Variants in VTI1A observed in about 807,000 individuals in gnomAD.
VTI1A encodes the protein vesicle transport through interaction with t-SNAREs 1A, also known as vesicle transport through interaction with t-SNAREs homolog 1A.
VTI1A carries 22 observed loss-of-function variants against 34.9 expected under a neutral mutation model. The observed-to-expected ratio is 0.63, with a 90% CI of 0.45 to 0.90. VTI1A has a LOEUF of 0.90. VTI1A is among the 40% of genes least tolerant of loss of function. VTI1A has a pLI of 0.00. For missense variants in VTI1A, 268 were observed against 275.6 expected (o/e 0.97, Z 0.20); for synonymous variants, 87 against 97.3 (o/e 0.89, Z 0.62).
intron 4 of VTI1A, among the ~76,000 whole-genome samples, chr10:112,531,101 A>ACACGTGCG (rs1171455230): frequency 7.0e-6 from 1 of 143,610 alleles, no homozygotes; most frequent in Non-Finnish European, 1.5e-5. Flanking sequence ...ACACACACAC[A>ACACGTGCG]CACGTGCGCA....
chr10:112,653,414 C>T (rs757510433), intron 5 of VTI1A, among the ~76,000 whole-genome samples: 36 of 152,266 alleles, frequency 2.4e-4, no homozygotes, highest in Non-Finnish European at 4.3e-4. Flanking sequence ...GTCCAAATTG[C>T]GCAACCAGAA....
intron 7 of VTI1A, among the ~76,000 whole-genome samples, chr10:112,720,531 G>A (rs1013550794): frequency 1.3e-5 from 2 of 152,036 alleles, no homozygotes; most frequent in East Asian, 1.9e-4. Flanking sequence ...TGATTCTATT[G>A]AGTTTTTAAA....
intron 5 of VTI1A, among the ~76,000 whole-genome samples, chr10:112,654,315 A>G (rs1053874871): frequency 5.9e-5 from 9 of 152,178 alleles, no homozygotes; most frequent in Admixed American, 5.9e-4. Context: ...TGTCATAAGG[A>G]TAGCATAAAT....
intron 5 of VTI1A, among the ~76,000 whole-genome samples, chr10:112,549,522 C>T (rs796728971): frequency 4.6e-5 from 7 of 152,246 alleles, no homozygotes; most frequent in African/African-American, 1.7e-4. Flanking sequence ...GTTATTCTCC[C>T]ATATAGGGAC....
chr10:112,711,133 AAATC>A (rs1403271022), intron 7 of VTI1A, among the ~76,000 whole-genome samples: 1 of 152,218 alleles, frequency 6.6e-6, no homozygotes, highest in African/African-American at 2.4e-5. Flanking sequence ...TCTGTAGAAA[AAATC>A]AATGAGTTAA....
intron 7 of VTI1A, among the ~76,000 whole-genome samples, chr10:112,788,383 A>C (rs1210819006): frequency 6.6e-6 from 1 of 152,116 alleles, no homozygotes; most frequent in Admixed American, 6.5e-5. Context: ...TGATTGTCTT[A>C]TATTTGTGAA....
intron 3 of VTI1A, among the ~76,000 whole-genome samples, chr10:112,478,511 T>C (rs1848354989): frequency 6.6e-6 from 1 of 152,174 alleles, no homozygotes; most frequent in Non-Finnish European, 1.5e-5. Context: ...ATGTAAACCC[T>C]CTTCTGCGTT....
intron 5 of VTI1A, among the ~76,000 whole-genome samples, chr10:112,573,625 T>C (rs1318486919): frequency 6.6e-6 from 1 of 152,198 alleles, no homozygotes; most frequent in Non-Finnish European, 1.5e-5. Flanking sequence ...ATTCCACCAT[T>C]CACTGTCTAT....
At chr10:112,602,260 G>A (rs1168402443) in intron 5 of VTI1A, among the ~76,000 whole-genome samples, 1 of 152,202 alleles carries the variant, frequency 6.6e-6, no homozygotes, top group East Asian at 1.9e-4. Context: ...CTTGCTCAGT[G>A]CCTGGGACTT....
At chr10:112,792,354 C>A (rs959055872) in intron 7 of VTI1A, among the ~76,000 whole-genome samples, 1 of 152,122 alleles carries the variant, frequency 6.6e-6, no homozygotes, top group African/African-American at 2.4e-5. Flanking sequence ...CGTGTCCCAA[C>A]GTCTCATGCT....
chr10:112,756,159 T>C (rs189339571), intron 7 of VTI1A, among the ~76,000 whole-genome samples: 3 of 152,242 alleles, frequency 2.0e-5, no homozygotes, highest in Admixed American at 2.0e-4. Flanking sequence ...GGGGTAAAAG[T>C]TATTACAAGT....
intron 7 of VTI1A, among the ~76,000 whole-genome samples, chr10:112,779,390 T>C (rs1289431785): frequency 1.3e-5 from 2 of 152,212 alleles, no homozygotes; most frequent in Non-Finnish European, 2.9e-5. Flanking sequence ...GACACAGAGA[T>C]AAGCAAGCTG....
At chr10:112,827,267 A>G in the VTI1A span, 1 of 151,242 alleles carries the variant, frequency 6.6e-6, no homozygotes, top group Non-Finnish European at 1.5e-5. Flanking sequence ...TCCCCGAGGA[A>G]TTGCAATTTC....
At chr10:112,568,325 G>A (rs928231876) in intron 5 of VTI1A, among the ~76,000 whole-genome samples, 1 of 152,044 alleles carries the variant, frequency 6.6e-6, no homozygotes, top group South Asian at 2.1e-4. Context: ...TGGCCAACAT[G>A]ATGAAACCCC....
intron 5 of VTI1A, among the ~76,000 whole-genome samples, chr10:112,576,069 G>A (rs1222501855): frequency 7.3e-6 from 1 of 136,434 alleles, no homozygotes; most frequent in Non-Finnish European, 1.5e-5. Flanking sequence ...CGCCCAGGCC[G>A]GACTGCAGTG....
the VTI1A span, among the ~76,000 whole-genome samples, chr10:112,836,125 G>A: frequency 6.6e-6 from 1 of 152,202 alleles, no homozygotes; most frequent in African/African-American, 2.4e-5. Context: ...CCTCTTCCCG[G>A]GTGAGGTTTC....
At chr10:112,505,744 G>T (rs1849407941) in intron 3 of VTI1A, among the ~76,000 whole-genome samples, 1 of 151,788 alleles carries the variant, frequency 6.6e-6, no homozygotes, top group Non-Finnish European at 1.5e-5. Context: ...TGTAACCACG[G>T]CTCACTCTAG....
At chr10:112,608,522 T>C (rs12254187) in intron 5 of VTI1A, among the ~76,000 whole-genome samples, 9,545 of 152,262 alleles carry the variant, frequency 0.063, 328 homozygotes, top group Middle Eastern at 0.12. Flanking sequence ...TTAAACCACA[T>C]GTAGACATGT....
chr10:112,797,718 T>C (rs1358713514), intron 7 of VTI1A, among the ~76,000 whole-genome samples: 1 of 152,156 alleles, frequency 6.6e-6, no homozygotes, highest in Non-Finnish European at 1.5e-5. Flanking sequence ...GTTTGTTTTC[T>C]CACCTTTTTA....
Sources: allele counts gnomAD v4.1 joint callset (sites outside exome capture counted in the v4.1 genomes callset), GRCh38; gene constraint gnomAD v4.1.1; transcripts MANE v1.5; gene names NCBI Gene and HGNC (gene_info 2026-07-23, HGNC 2026-07-21).